The following IL1RAPL2 variants were observed in gnomAD, a reference collection of about 807,000 sequenced individuals.
IL1RAPL2 encodes the protein interleukin 1 receptor accessory protein like 2.
In IL1RAPL2, 3 loss-of-function variants were observed where a neutral mutation model predicts 44.1. That is an observed-to-expected ratio of 0.07 (90% CI 0.03 to 0.18). IL1RAPL2 has a LOEUF of 0.18. Among genes scored for constraint, IL1RAPL2 ranks in the 10% least tolerant of loss-of-function variants. IL1RAPL2 has a pLI of 1.00. For synonymous variants in IL1RAPL2, 181 were observed against 178.8 expected (o/e 1.01, Z -0.10); for missense variants, 391 against 496.4 (o/e 0.79, Z 2.02).
intron 5 of IL1RAPL2, among the ~76,000 whole-genome samples, chrX:105,414,449 G>T (rs1439650432): frequency 9.0e-6 from 1 of 111,653 alleles, no homozygotes; most frequent in East Asian, 2.8e-4. Context: ...TCTTATTAAA[G>T]GCCTTCAATG....
At chrX:104,952,712 A>T (rs1297662089) in intron 2 of IL1RAPL2, among the ~76,000 whole-genome samples, 1 of 111,816 alleles carries the variant, frequency 8.9e-6, no homozygotes, top group Non-Finnish European at 1.9e-5. Context: ...TCATCAGCTG[A>T]TAAAGCTACA....
At chrX:105,042,774 C>T in intron 2 of IL1RAPL2, among the ~76,000 whole-genome samples, 1 of 108,036 alleles carries the variant, frequency 9.3e-6, no homozygotes, top group Non-Finnish European at 1.9e-5. Flanking sequence ...AAGACACACA[C>T]ACACGTATGT....
At chrX:105,216,186 G>A (rs782114305) in intron 3 of IL1RAPL2, among the ~76,000 whole-genome samples, 38 of 111,212 alleles carry the variant, frequency 3.4e-4, no homozygotes, top group Admixed American at 3.1e-3. Flanking sequence ...GTTTGCAGAC[G>A]ACATGATTGT....
intron 5 of IL1RAPL2, among the ~76,000 whole-genome samples, chrX:105,278,695 T>A (rs1383881439): frequency 8.9e-6 from 1 of 112,075 alleles, no homozygotes; most frequent in Non-Finnish European, 1.9e-5. Context: ...TTTCCTATAT[T>A]TTATAAGGGA....
chrX:104,581,138 G>T (rs900622151), intron 1 of IL1RAPL2, among the ~76,000 whole-genome samples: 1 of 112,132 alleles, frequency 8.9e-6, no homozygotes, highest in South Asian at 3.7e-4. Flanking sequence ...AAGCAAATGG[G>T]CTTCTGGGCT....
chrX:104,947,418 T>G (rs1254834666), intron 2 of IL1RAPL2, among the ~76,000 whole-genome samples: 8 of 97,289 alleles, frequency 8.2e-5, no homozygotes, highest in South Asian at 5.5e-4. Context: ...CTCTTTAGTT[T>G]AATTAGATCC....
At chrX:104,902,361 G>T (rs1445789706) in intron 2 of IL1RAPL2, among the ~76,000 whole-genome samples, 2 of 111,885 alleles carry the variant, frequency 1.8e-5, no homozygotes, top group Non-Finnish European at 3.8e-5. Context: ...AATTACCACT[G>T]TTAACCTCCA....
At chrX:104,665,577 G>A (rs1930473843) in intron 2 of IL1RAPL2, among the ~76,000 whole-genome samples, 1 of 110,469 alleles carries the variant, frequency 9.1e-6, no homozygotes, top group South Asian at 3.8e-4. Flanking sequence ...AGTTTCTTTG[G>A]ATATATATGT....
At chrX:104,618,722 G>A (rs923371323) in intron 1 of IL1RAPL2, among the ~76,000 whole-genome samples, 1 of 111,285 alleles carries the variant, frequency 9.0e-6, no homozygotes, top group Non-Finnish European at 1.9e-5. Flanking sequence ...CTCTGCACAG[G>A]AAGTGTGTGG....
chrX:105,507,829 T>C (rs1382419471), intron 6 of IL1RAPL2, among the ~76,000 whole-genome samples: 1 of 112,250 alleles, frequency 8.9e-6, no homozygotes, highest in Non-Finnish European at 1.9e-5. Context: ...ATCAAAATAA[T>C]TGTAGGGTTT....
intron 5 of IL1RAPL2, among the ~76,000 whole-genome samples, chrX:105,283,959 T>C (rs2034551922): frequency 9.0e-6 from 1 of 111,691 alleles, no homozygotes; most frequent in African/African-American, 3.2e-5. Context: ...CCTCATCAAA[T>C]TGTTAAATAT....
intron 2 of IL1RAPL2, among the ~76,000 whole-genome samples, chrX:104,864,060 A>G (rs1336628288): frequency 1.8e-5 from 2 of 111,975 alleles, no homozygotes; most frequent in Non-Finnish European, 3.8e-5. Flanking sequence ...TGTGGAACTG[A>G]CACTGAGAAC....
chrX:104,822,381 G>C (rs891538541), intron 2 of IL1RAPL2, among the ~76,000 whole-genome samples: 1 of 111,966 alleles, frequency 8.9e-6, no homozygotes, highest in Non-Finnish European at 1.9e-5. Flanking sequence ...TATGGTTTTA[G>C]GTCTTACAGT....
At chrX:104,687,241 T>A (rs894977475) in intron 2 of IL1RAPL2, among the ~76,000 whole-genome samples, 1 of 112,055 alleles carries the variant, frequency 8.9e-6, no homozygotes, top group Middle Eastern at 4.6e-3. Flanking sequence ...GGCTCAGGGT[T>A]CTGGAGGGCG....
chrX:104,952,980 G>T (rs772737761), intron 2 of IL1RAPL2, among the ~76,000 whole-genome samples: 1 of 112,105 alleles, frequency 8.9e-6, no homozygotes, highest in Non-Finnish European at 1.9e-5. Flanking sequence ...GTCATTCTTG[G>T]ATAGTGTATT....
At chrX:105,740,451 G>A in intron 7 of IL1RAPL2, 95 bp from the exon 8 acceptor site, 4 of 873,630 alleles carry the variant, frequency 4.6e-6, no homozygotes, top group Non-Finnish European at 6.5e-6. Context: ...CATCATCAGA[G>A]ACCTGTGTGA....
At chrX:104,592,436 T>C (rs1928687588) in intron 1 of IL1RAPL2, among the ~76,000 whole-genome samples, 3 of 110,609 alleles carry the variant, frequency 2.7e-5, no homozygotes, top group Admixed American at 9.8e-5. Context: ...AAATGCAGAC[T>C]ATTGCCTGAA....
chrX:105,215,376 C>G (rs782597384), intron 3 of IL1RAPL2, among the ~76,000 whole-genome samples: 1 of 111,744 alleles, frequency 8.9e-6, no homozygotes, highest in East Asian at 2.8e-4. Context: ...TGGATAAATT[C>G]CTGGACACAT....
intron 5 of IL1RAPL2, among the ~76,000 whole-genome samples, chrX:105,390,081 G>A (rs954604954): frequency 4.5e-5 from 5 of 111,531 alleles, no homozygotes; most frequent in African/African-American, 1.6e-4. Context: ...GTCAAAACAA[G>A]GTTTTTCATT....
Sources: gnomAD v4.1 joint callset for allele counts (sites outside exome capture counted in the v4.1 genomes callset) on GRCh38, gnomAD v4.1.1 for gene constraint, MANE v1.5 for transcripts, NCBI Gene and HGNC (gene_info 2026-07-23, HGNC 2026-07-21) for gene names.